The following GLIS3 variants were observed in gnomAD, a reference collection of about 807,000 sequenced individuals.
GLIS3 encodes the protein GLIS family zinc finger 3.
In GLIS3, 53 loss-of-function variants were observed where a neutral mutation model predicts 78.6. The observed-to-expected ratio is 0.67, with a 90% CI of 0.54 to 0.85. The LOEUF (loss-of-function observed/expected upper bound fraction) is 0.85. GLIS3 is among the 40% of genes least tolerant of loss of function. GLIS3 has a pLI of 0.00. For synonymous variants in GLIS3, 684 were observed against 509.9 expected (o/e 1.34, Z -4.60); for missense variants, 1,703 against 1,231.1 (o/e 1.38, Z -5.74).
At chr9:4,287,996 T>A (rs1018767055) in intron 1 of GLIS3, among the ~76,000 whole-genome samples, 3 of 152,144 alleles carry the variant, frequency 2.0e-5, no homozygotes, top group Non-Finnish European at 4.4e-5. Context: ...GCCATCTAGT[T>A]CCGGAAAACA....
At chr9:4,426,762 T>C in the GLIS3 span, among the ~76,000 whole-genome samples, 9 of 152,248 alleles carry the variant, frequency 5.9e-5, no homozygotes, top group African/African-American at 1.4e-4. Flanking sequence ...TGTTTAACTT[T>C]TCTGTGCTTC....
At chr9:4,182,151 G>A (rs149105778) in intron 2 of GLIS3, among the ~76,000 whole-genome samples, 2 of 152,046 alleles carry the variant, frequency 1.3e-5, no homozygotes, top group Admixed American at 1.3e-4. Context: ...TTTCCTTTGG[G>A]GTTTGTTAAC....
intron 8 of GLIS3, chr9:3,875,713 C>T (rs891306941): frequency 2.0e-5 from 3 of 152,154 alleles, no homozygotes; most frequent in African/African-American, 7.2e-5. Flanking sequence ...CTTTCCAAAC[C>T]TGATTGGAAG....
the GLIS3 span, among the ~76,000 whole-genome samples, chr9:4,461,090 C>G: frequency 6.6e-6 from 1 of 152,190 alleles, no homozygotes; most frequent in Non-Finnish European, 1.5e-5. Flanking sequence ...TAACAAGTCT[C>G]AGAGCATGAA....
intron 8 of GLIS3, among the ~76,000 whole-genome samples, chr9:3,862,562 A>C (rs897441845): frequency 6.6e-6 from 1 of 152,218 alleles, no homozygotes; most frequent in African/African-American, 2.4e-5. Flanking sequence ...TTGTGTTACC[A>C]GTCAAGCATG....
At chr9:4,270,245 C>T (rs193284359) in intron 2 of GLIS3, among the ~76,000 whole-genome samples, 276 of 152,340 alleles carry the variant, frequency 1.8e-3, no homozygotes, top group Middle Eastern at 0.01. Flanking sequence ...TCCTGCCTTC[C>T]TGCTCCTATA....
intron 6 of GLIS3, among the ~76,000 whole-genome samples, chr9:3,913,225 C>G (rs1824267720): frequency 6.6e-6 from 1 of 152,126 alleles, no homozygotes; most frequent in African/African-American, 2.4e-5. Context: ...AGATTTAAGG[C>G]TGATTTTCAT....
the GLIS3 span, among the ~76,000 whole-genome samples, chr9:4,433,545 G>C: frequency 1.3e-5 from 2 of 152,224 alleles, no homozygotes; most frequent in Non-Finnish European, 2.9e-5. Context: ...GGTGTACCAT[G>C]ATAAAATATG....
intron 4 of GLIS3, among the ~76,000 whole-genome samples, chr9:3,962,954 G>T (rs976904352): frequency 1.2e-4 from 18 of 151,074 alleles, no homozygotes; most frequent in Admixed American, 2.6e-4. Context: ...TAAGGGGGGG[G>T]GGGGGAGAGA....
intron 3 of GLIS3, among the ~76,000 whole-genome samples, chr9:4,125,510 A>C (rs898657467): frequency 2.0e-4 from 31 of 152,210 alleles, no homozygotes; most frequent in African/African-American, 6.3e-4. Context: ...CACTCACACC[A>C]CAAGACAGTA....
At chr9:4,442,063 G>A in the GLIS3 span, among the ~76,000 whole-genome samples, 8 of 152,202 alleles carry the variant, frequency 5.3e-5, no homozygotes, top group Non-Finnish European at 1.2e-4. Context: ...AGAATTCACA[G>A]TGAAACTATC....
intron 2 of GLIS3, among the ~76,000 whole-genome samples, chr9:4,284,648 C>T (rs1329685725): frequency 2.0e-5 from 3 of 151,792 alleles, no homozygotes; most frequent in Non-Finnish European, 4.4e-5. Flanking sequence ...CGGTGGCTCA[C>T]GCCTGTAACG....
intron 2 of GLIS3, among the ~76,000 whole-genome samples, chr9:4,265,224 T>C (rs904288475): frequency 4.6e-5 from 7 of 150,856 alleles, no homozygotes; most frequent in Non-Finnish European, 7.4e-5. Flanking sequence ...AAGGTCTACA[T>C]CTGGTGAAAG....
chr9:4,203,548 G>A (rs1458454103), intron 2 of GLIS3, among the ~76,000 whole-genome samples: 1 of 151,884 alleles, frequency 6.6e-6, no homozygotes, highest in East Asian at 1.9e-4. Flanking sequence ...AAAAGAAAAG[G>A]AAAAAAACAG....
chr9:3,926,419 C>T (rs1563857501), intron 6 of GLIS3, among the ~76,000 whole-genome samples: 1 of 150,240 alleles, frequency 6.7e-6, no homozygotes, highest in Non-Finnish European at 1.5e-5. Context: ...TTAGTAGAGA[C>T]GGGGGTTTCA....
intron 4 of GLIS3, among the ~76,000 whole-genome samples, chr9:4,049,631 C>T (rs114651865): frequency 0.034 from 5,165 of 152,130 alleles, 293 homozygotes; most frequent in African/African-American, 0.11. Flanking sequence ...TAAGAATCTT[C>T]GGAGGAATGA....
At chr9:4,226,712 G>A (rs1229762389) in intron 2 of GLIS3, among the ~76,000 whole-genome samples, 1 of 152,234 alleles carries the variant, frequency 6.6e-6, no homozygotes, top group Non-Finnish European at 1.5e-5. Context: ...CCTTAGGCAA[G>A]TTACTTAATT....
intron 4 of GLIS3, among the ~76,000 whole-genome samples, chr9:3,968,025 A>T (rs989663391): frequency 6.6e-6 from 1 of 152,226 alleles, no homozygotes; most frequent in Non-Finnish European, 1.5e-5. Context: ...TAACTTTCTC[A>T]TCCCTTCCTT....
At chr9:4,423,790 G>A in the GLIS3 span, among the ~76,000 whole-genome samples, 12 of 152,044 alleles carry the variant, frequency 7.9e-5, no homozygotes, top group Non-Finnish European at 1.3e-4. Context: ...TAGACCTTCG[G>A]CTACCTTATT....
Sources: gnomAD v4.1 joint callset for allele counts (sites outside exome capture counted in the v4.1 genomes callset) on GRCh38, gnomAD v4.1.1 for gene constraint, MANE v1.5 for transcripts, NCBI Gene and HGNC (gene_info 2026-07-23, HGNC 2026-07-21) for gene names.